The following RBFOX1 variants were observed in gnomAD, a reference collection of about 807,000 sequenced individuals.
RBFOX1 encodes RNA binding fox-1 homolog 1.
RBFOX1 carries 8 observed loss-of-function variants against 57.7 expected under a neutral mutation model. The ratio of observed to expected loss-of-function variants is 0.14; its 90% CI spans 0.08 to 0.25. RBFOX1 has a LOEUF of 0.25. RBFOX1 is among the 10% of genes least tolerant of loss of function. The pLI, the probability that RBFOX1 is intolerant of heterozygous loss-of-function variation, is 1.00. For missense variants in RBFOX1, 611 were observed against 548.5 expected (o/e 1.11, Z -1.14); for synonymous variants, 326 against 222.4 (o/e 1.47, Z -4.15).
At chr16:6,542,590 C>G (rs1411033113) in intron 2 of RBFOX1, among the ~76,000 whole-genome samples, 1 of 148,522 alleles carries the variant, frequency 6.7e-6, no homozygotes, top group Non-Finnish European at 1.5e-5. Flanking sequence ...CCTGGGTTCA[C>G]GCCATTCTCC....
chr16:6,942,745 C>T (rs745416623), intron 3 of RBFOX1, among the ~76,000 whole-genome samples: 3 of 152,158 alleles, frequency 2.0e-5, no homozygotes, highest in Non-Finnish European at 2.9e-5. Context: ...TCTTGAGAGA[C>T]AGACTCACAA....
chr16:5,543,116 G>T (rs756880366), intron 2 of RBFOX1, among the ~76,000 whole-genome samples: 1 of 152,132 alleles, frequency 6.6e-6, no homozygotes, highest in South Asian at 2.1e-4. Context: ...TAAAGGGATC[G>T]AACTGTTTTC....
At chr16:5,365,080 G>A (rs571869924) in intron 1 of RBFOX1, among the ~76,000 whole-genome samples, 2 of 152,108 alleles carry the variant, frequency 1.3e-5, no homozygotes, top group South Asian at 2.1e-4. Flanking sequence ...AAGAGATGAA[G>A]GGTCTTTTAA....
intron 2 of RBFOX1, among the ~76,000 whole-genome samples, chr16:5,514,728 G>C (rs759020703): frequency 6.6e-6 from 1 of 151,970 alleles, no homozygotes; most frequent in Non-Finnish European, 1.5e-5. Flanking sequence ...AGGAGGAGCA[G>C]GAGGAGGAGG....
At chr16:5,505,333 T>C (rs1259760485) in intron 2 of RBFOX1, among the ~76,000 whole-genome samples, 1 of 152,168 alleles carries the variant, frequency 6.6e-6, no homozygotes. Context: ...CCCTGCTTGG[T>C]GCCTGTCGTC....
At chr16:6,845,273 T>C (rs905539209) in intron 3 of RBFOX1, among the ~76,000 whole-genome samples, 3 of 152,198 alleles carry the variant, frequency 2.0e-5, no homozygotes, top group Non-Finnish European at 4.4e-5. Flanking sequence ...CTGAATGGTA[T>C]TGCCTAGGTT....
At chr16:5,460,427 T>C (rs1052656588) in intron 1 of RBFOX1, among the ~76,000 whole-genome samples, 11 of 152,204 alleles carry the variant, frequency 7.2e-5, no homozygotes, top group African/African-American at 2.4e-4. Flanking sequence ...ACTTGTAAGT[T>C]TCCTTTGAAT....
chr16:7,241,052 G>T (rs939451158), intron 4 of RBFOX1, among the ~76,000 whole-genome samples: 29 of 152,168 alleles, frequency 1.9e-4, no homozygotes, highest in African/African-American at 5.8e-4. Context: ...CTGGATTTGG[G>T]TTGGAAAAGA....
At chr16:5,909,701 T>C (rs1020458113) in intron 4 of RBFOX1, among the ~76,000 whole-genome samples, 1 of 152,166 alleles carries the variant, frequency 6.6e-6, no homozygotes, top group African/African-American at 2.4e-5. Context: ...TTTGAGTGGC[T>C]GATTCACCAA....
chr16:5,500,115 T>C, intron 2 of RBFOX1, among the ~76,000 whole-genome samples: 1 of 82,918 alleles, frequency 1.2e-5, no homozygotes, highest in African/African-American at 7.5e-5. Context: ...TTCCCTCCCT[T>C]CCCTCCTTCC....
chr16:6,193,375 T>TATATATATATAC (rs1555545321), intron 1 of RBFOX1, among the ~76,000 whole-genome samples: 10 of 64,864 alleles, frequency 1.5e-4, no homozygotes, highest in African/African-American at 4.4e-4. Context: ...TATATATATA[T>TATATATATATAC]ACATTATATA....
At chr16:6,779,989 TTATATATTTATATATATTTA>T (rs1567211048) in intron 3 of RBFOX1, among the ~76,000 whole-genome samples, 2 of 15,478 alleles carry the variant, frequency 1.3e-4, no homozygotes, top group Non-Finnish European at 2.0e-4. Context: ...ATTTATATAT[TTATATATTTATATATATTTA>T]TATATATTTA....
intron 3 of RBFOX1, among the ~76,000 whole-genome samples, chr16:6,828,187 C>T (rs534906763): frequency 5.3e-5 from 8 of 152,094 alleles, no homozygotes; most frequent in African/African-American, 1.7e-4. Context: ...CTCAGCACTT[C>T]CCTTGCCCGT....
intron 2 of RBFOX1, among the ~76,000 whole-genome samples, chr16:6,614,778 T>A (rs1021882579): frequency 6.6e-6 from 1 of 152,174 alleles, no homozygotes; most frequent in African/African-American, 2.4e-5. Flanking sequence ...CATGGCCATT[T>A]TATTTATGAG....
At chr16:6,327,915 A>C (rs1433791469) in intron 2 of RBFOX1, among the ~76,000 whole-genome samples, 4 of 152,116 alleles carry the variant, frequency 2.6e-5, no homozygotes, top group Non-Finnish European at 5.9e-5. Flanking sequence ...TGTTGCATGC[A>C]CCGTGGTCCC....
chr16:5,638,101 G>C (rs2048743980), intron 3 of RBFOX1, among the ~76,000 whole-genome samples: 1 of 152,216 alleles, frequency 6.6e-6, no homozygotes, highest in Non-Finnish European at 1.5e-5. Context: ...AAATATTACA[G>C]AGAAGTTCCC....
intron 4 of RBFOX1, among the ~76,000 whole-genome samples, chr16:6,005,478 T>C (rs2060677245): frequency 6.6e-6 from 1 of 152,160 alleles, no homozygotes; most frequent in African/African-American, 2.4e-5. Flanking sequence ...ACAGAAATGA[T>C]TGGTGTAATA....
intron 3 of RBFOX1, among the ~76,000 whole-genome samples, chr16:6,925,081 C>G (rs1052476127): frequency 6.6e-5 from 7 of 105,904 alleles, no homozygotes; most frequent in Non-Finnish European, 1.3e-4. Context: ...TTAATCCAGT[C>G]TATCGTTGTT....
chr16:7,500,935 G>A (rs1407469383), intron 4 of RBFOX1, among the ~76,000 whole-genome samples: 1 of 152,140 alleles, frequency 6.6e-6, no homozygotes, highest in African/African-American at 2.4e-5. Context: ...CATGAGATCT[G>A]ATGGGTTTAT....
Sources: gnomAD v4.1 joint callset for allele counts (sites outside exome capture counted in the v4.1 genomes callset) on GRCh38, gnomAD v4.1.1 for gene constraint, MANE v1.5 for transcripts, NCBI Gene and HGNC (gene_info 2026-07-23, HGNC 2026-07-21) for gene names.